SLC25A25: variants seen among roughly 807,000 people sequenced by gnomAD.
SLC25A25 encodes the protein solute carrier family 25 member 25.
A neutral mutation model predicts 57.7 loss-of-function variants in SLC25A25; 32 were observed. That is an observed-to-expected ratio of 0.55 (90% confidence interval 0.42 to 0.74). The LOEUF (loss-of-function observed/expected upper bound fraction) is 0.74, where lower values mean the gene tolerates loss of function less well. SLC25A25 is among the 30% of genes least tolerant of loss of function. The pLI, the probability that SLC25A25 is intolerant of heterozygous loss-of-function variation, is 0.00. For synonymous variants in SLC25A25, 306 were observed against 291.2 expected, an observed-to-expected ratio of 1.05 and a Z score of -0.52; for missense variants, 556 against 701.3, an observed-to-expected ratio of 0.79 and a Z score of 2.34.
chr9:128,098,503 C>T (rs760932370), intron 1 of SLC25A25: 57 of 1,552,244 alleles, frequency 3.7e-5, no homozygotes, highest in Non-Finnish European at 4.3e-5. Flanking sequence ...TTCCCGGGAC[C>T]GGCAGCATTT....
intron 1 of SLC25A25, among the ~76,000 whole-genome samples, chr9:128,079,603 CAAA>C (rs531439672): frequency 4.2e-5 from 2 of 48,044 alleles, no homozygotes; most frequent in African/African-American, 1.3e-4. Context: ...ACTAAAAATA[CAAA>C]AAAAAAAAAA....
At chr9:128,087,085 G>C (rs74766218) in intron 1 of SLC25A25, among the ~76,000 whole-genome samples, 1 of 151,760 alleles carries the variant, frequency 6.6e-6, no homozygotes, top group African/African-American at 2.4e-5. Context: ...TATGGTGGCG[G>C]GTGCCTGTAA....
chr9:128,069,844 T>C lies in SLC25A25; in HGVS notation c.261+1264T>C, dbSNP rs111348693. The stretch of plus-strand genomic sequence containing the variant: ...TTGGCTCACTGCAGCCTCCGCCTCC[T>C]GGGTTCAAGAGATTCTCCCGCCTCA... On this transcript the variant is annotated intron_variant, in intron 1 of 10. Coordinates refer to ENST00000373069, the MANE Select transcript of SLC25A25 (RefSeq NM_001330988.2). Among the ~76,000 whole-genome samples, 803 of 148,530 alleles carry C rather than the reference T, an allele frequency of 5.4e-3. 11 individuals carry two copies. The highest frequency in any genetic ancestry group is 0.019 in the African/African-American group (731 of 38,718).
chr9:128,099,694 C>T lies in SLC25A25; in HGVS notation c.262-1402C>T, dbSNP rs911887496. On this transcript the variant is annotated intron_variant, in intron 1 of 10. Coordinates refer to ENST00000373069, the MANE Select transcript of SLC25A25 (RefSeq NM_001330988.2). This position sits in a 1 kb window ranked among gnomAD's most constrained non-coding sequence, Gnocchi z 6.8. ...ACGCCCCTCACATTAGCCTTTTGAT[C>T]GCGCCAGGTCATGGGGTATCTGTTC... 2.0e-5 allele frequency among the ~76,000 whole-genome samples: 3 copies of T among 152,200 alleles called. No individual in the cohort carries two copies. Among genetic ancestry groups the T allele is most frequent in the Admixed American group, 1.3e-4 (2 of 15,274 alleles).
rs955316131 is a variant in SLC25A25, at chr9:128,108,484, C to T, written c.*1040C>T. 11 of 389,566 alleles carry T rather than the reference C, an allele frequency of 2.8e-5. No homozygotes were observed. Among genetic ancestry groups the T allele is most frequent in the Non-Finnish European group, 4.5e-6 (1 of 220,792 alleles). The allele number at this position is 389,566 out of a possible 1,614,324, so 24.1% of individuals were successfully genotyped here. A position where few individuals can be genotyped will look rare whatever the true frequency, so the allele number is the denominator to read the frequency against. On this transcript the variant is annotated 3_prime_UTR_variant, in exon 11 of 11. Transcript: ENST00000373069. ...CAGGGGCGCAGCGGGACCAGCCCCA[C>T]ATTCCACTTGTGTCACTGCTTGGAA...
chr9:128,078,294 G>C (rs1453807188), intron 1 of SLC25A25, among the ~76,000 whole-genome samples: 1 of 152,064 alleles, frequency 6.6e-6, no homozygotes, highest in Non-Finnish European at 1.5e-5. Flanking sequence ...GCCCAGAATT[G>C]GTCAGAATCA....
chr9:128,087,193 C>T (rs545356131), intron 1 of SLC25A25, among the ~76,000 whole-genome samples: 5 of 152,076 alleles, frequency 3.3e-5, no homozygotes, highest in Non-Finnish European at 7.4e-5. Flanking sequence ...CAGCCTCAGC[C>T]TCCCAAAGTG....
intron 1 of SLC25A25, among the ~76,000 whole-genome samples, chr9:128,086,395 G>A (rs570615221): frequency 2.7e-5 from 4 of 147,684 alleles, no homozygotes; most frequent in South Asian, 2.1e-4. Flanking sequence ...GTGCAATGGC[G>A]CGATCTCAGC....
At chr9:128,088,477 A>G (rs945434913) in intron 1 of SLC25A25, among the ~76,000 whole-genome samples, 1 of 152,158 alleles carries the variant, frequency 6.6e-6, no homozygotes, top group East Asian at 1.9e-4. Flanking sequence ...TGGCCTCCCC[A>G]GCCTCTCAGC....
chr9:128,076,889 T>G lies in SLC25A25; in HGVS notation c.261+8309T>G, dbSNP rs557176711. Among the ~76,000 whole-genome samples, 3 of 152,308 alleles carry G rather than the reference T, an allele frequency of 2.0e-5. No individual in the cohort carries two copies. In the East Asian group the frequency reaches 5.8e-4, roughly 29 times the overall value. On this transcript the variant is annotated intron_variant, in intron 1 of 10. Transcript: ENST00000373069. ...GCCAGCCTTCCACCCAACATGGAGA[T>G]AAGCTCTCCGGAAGCATCCTTCGCA...
At chr9:128,081,186 C>G (rs916263895) in intron 1 of SLC25A25, among the ~76,000 whole-genome samples, 4 of 152,170 alleles carry the variant, frequency 2.6e-5, no homozygotes, top group Admixed American at 2.6e-4. Flanking sequence ...CCACCCTGAA[C>G]AGCTGTGCTG....
chr9:128,107,330 CT>C lies in SLC25A25; in HGVS notation c.1436del (p.Phe479SerfsTer12). On this transcript the variant is annotated frameshift_variant, in exon 11 of 11. Coordinates refer to ENST00000373069, the MANE Select transcript of SLC25A25 (RefSeq NM_001330988.2). LOFTEE classifies it high-confidence loss of function. ...FKHILRTEGA[F>X]GLYRGLAPNF... ...AACATATCCTGCGGACCGAGGGGGC[CT>C]TCGGGCTGTACAGGGGGCTGGCCCC... is the stretch of plus-strand genomic sequence containing the variant. 6.5e-7 allele frequency: 1 copy of C among 1,546,558 alleles called. No homozygotes were observed.
At chr9:128,070,970 A>AAAG (rs1832896024) in intron 1 of SLC25A25, among the ~76,000 whole-genome samples, 7 of 64,272 alleles carry the variant, frequency 1.1e-4, no homozygotes, top group Admixed American at 6.3e-4. Flanking sequence ...AAAAAAAAAA[A>AAAG]AAAGAAAGAA....
chr9:128,093,065 A>G (rs916954000), intron 1 of SLC25A25, among the ~76,000 whole-genome samples: 5 of 152,264 alleles, frequency 3.3e-5, no homozygotes, highest in African/African-American at 1.2e-4. Context: ...TTGGCACATT[A>G]TAGATACCAC....
At chr9:128,105,176 T>C (rs1833969977) in intron 6 of SLC25A25, among the ~76,000 whole-genome samples, 1 of 136,058 alleles carries the variant, frequency 7.3e-6, no homozygotes, top group Admixed American at 7.4e-5. Context: ...TTTTTTTTTT[T>C]TTTTTTTTTT....
chr9:128,107,006 C>T, intron 9 of SLC25A25, 23 bp from the exon 10 acceptor site: 2 of 1,610,550 alleles, frequency 1.2e-6, no homozygotes, highest in Non-Finnish European at 1.7e-6. Context: ...TAGGGCTTAT[C>T]CCATGCTCCC....
At chr9:128,087,323 G>A (rs1321974543) in intron 1 of SLC25A25, among the ~76,000 whole-genome samples, 3 of 152,118 alleles carry the variant, frequency 2.0e-5, no homozygotes, top group Admixed American at 6.5e-5. Flanking sequence ...GTGCAGTGAC[G>A]CAGTCTCGGC....
chr9:128,107,574 C>A lies in SLC25A25; in HGVS notation c.*130C>A. On this transcript the variant is annotated 3_prime_UTR_variant, in exon 11 of 11. Transcript: ENST00000373069. ...CAAGCTGTGAAAACCCTAGACGCACCCGCAGGGAGGGTGGGGAGAGCTGGC... is the reference window on the plus strand; with the variant it reads ...CAAGCTGTGAAAACCCTAGACGCACACGCAGGGAGGGTGGGGAGAGCTGGC... The A allele has an allele frequency of 8.8e-7, 1 of 1,132,670 alleles. No individual in the cohort carries two copies. Among genetic ancestry groups the A allele is most frequent in the Non-Finnish European group, 1.2e-6 (1 of 843,322 alleles). 70.2% of individuals were successfully genotyped at this position (1,132,670 alleles called of 1,614,324 possible).
rs759027068 is a variant in SLC25A25, at chr9:128,107,445, CG to C, written c.*7del. ...CACCCTGGGCGTGCAGTCGCGGTGA[CG>C]GGGGGAGGGCCGCCCGGCAGTGGAC... On this transcript the variant is annotated 3_prime_UTR_variant, in exon 11 of 11. Transcript: ENST00000373069. 27 of 1,504,654 alleles carry C rather than the reference CG, an allele frequency of 1.8e-5. No homozygotes were observed. The highest frequency in any genetic ancestry group is 1.8e-6 in the Non-Finnish European group (2 of 1,126,158). 93.2% of individuals were successfully genotyped at this position (1,504,654 alleles called of 1,614,324 possible).
Sources: gnomAD v4.1 joint callset for allele counts (sites outside exome capture counted in the v4.1 genomes callset) on GRCh38, gnomAD v4.1.1 for gene constraint, Gnocchi (gnomAD v3.1) non-coding constraint, MANE v1.5 for transcripts, NCBI Gene and HGNC (gene_info 2026-07-23, HGNC 2026-07-21) for gene names.